The following SGMS1 variants were observed in gnomAD, a reference collection of about 807,000 sequenced individuals.
SGMS1 encodes the protein sphingomyelin synthase 1, also known as phosphatidylcholine:ceramide cholinephosphotransferase 1.
Under a neutral mutation model 46.2 loss-of-function variants are expected in SGMS1, and 13 were observed. The ratio of observed to expected loss-of-function variants is 0.28; its 90% CI spans 0.18 to 0.45. SGMS1 has a LOEUF of 0.45. SGMS1 is among the 20% of genes least tolerant of loss of function. The pLI is 1.00. For missense variants in SGMS1, 324 were observed against 519.9 expected, an observed-to-expected ratio of 0.62 and a Z score of 3.66; for synonymous variants, 203 against 187.8, an observed-to-expected ratio of 1.08 and a Z score of -0.66.
intron 3 of SGMS1, among the ~76,000 whole-genome samples, chr10:50,501,586 G>A (rs1185894881): frequency 1.3e-5 from 2 of 152,272 alleles, no homozygotes; most frequent in Middle Eastern, 3.4e-3. Flanking sequence ...AAAACAGCTT[G>A]TAAATAAACA....
At chr10:50,342,512 T>C (rs1444031546) in intron 7 of SGMS1, 2 of 152,244 alleles carry the variant, frequency 1.3e-5, no homozygotes, top group Admixed American at 1.3e-4. Flanking sequence ...AGAGTTGTTA[T>C]AAAACATACT....
chr10:50,552,972 G>A (rs1838160993), intron 2 of SGMS1, among the ~76,000 whole-genome samples: 1 of 152,180 alleles, frequency 6.6e-6, no homozygotes, highest in African/African-American at 2.4e-5. Flanking sequence ...TAGAGGCAAA[G>A]ATCAGATTCT....
intron 4 of SGMS1, among the ~76,000 whole-genome samples, chr10:50,462,507 T>C (rs1588840611): frequency 6.6e-6 from 1 of 152,324 alleles, no homozygotes; most frequent in East Asian, 1.9e-4. Context: ...TTTCGATGCT[T>C]ATGGGTCACT....
At chr10:50,336,489 A>G (rs555858133) in intron 7 of SGMS1, among the ~76,000 whole-genome samples, 1 of 152,286 alleles carries the variant, frequency 6.6e-6, no homozygotes, top group South Asian at 2.1e-4. Flanking sequence ...TCTACAGTCT[A>G]TGGGGAACTG....
At chr10:50,494,832 C>T (rs1307607205) in intron 3 of SGMS1, among the ~76,000 whole-genome samples, 3 of 151,766 alleles carry the variant, frequency 2.0e-5, no homozygotes, top group African/African-American at 7.3e-5. Context: ...GTCGGGAGAT[C>T]GAGACCATCC....
intron 2 of SGMS1, among the ~76,000 whole-genome samples, chr10:50,536,442 G>C (rs1233490099): frequency 1.3e-5 from 2 of 152,172 alleles, no homozygotes; most frequent in Admixed American, 1.3e-4. Flanking sequence ...GATTTTAAAT[G>C]ATTAGAACTA....
At chr10:50,597,367 C>T (rs1025757170) in intron 1 of SGMS1, among the ~76,000 whole-genome samples, 13 of 152,198 alleles carry the variant, frequency 8.5e-5, no homozygotes, top group African/African-American at 3.1e-4. Flanking sequence ...CTTTCATATT[C>T]TGCTGCTGGG....
intron 5 of SGMS1, among the ~76,000 whole-genome samples, chr10:50,446,689 A>T (rs966680771): frequency 6.6e-6 from 1 of 152,216 alleles, no homozygotes; most frequent in Admixed American, 6.5e-5. Flanking sequence ...TGAAGTTCTG[A>T]AAGAGGCAAA....
At chr10:50,616,845 C>T (rs941696763) in intron 1 of SGMS1, among the ~76,000 whole-genome samples, 4 of 152,116 alleles carry the variant, frequency 2.6e-5, no homozygotes, top group African/African-American at 9.7e-5. Flanking sequence ...ACCATGTTCA[C>T]GGACAGAATT....
At chr10:50,535,451 C>T (rs1266418601) in intron 2 of SGMS1, among the ~76,000 whole-genome samples, 5 of 151,788 alleles carry the variant, frequency 3.3e-5, no homozygotes, top group South Asian at 2.1e-4. Context: ...CTGCAACCTC[C>T]GCCTCCCGGG....
chr10:50,400,938 G>A (rs1848930634), intron 6 of SGMS1, among the ~76,000 whole-genome samples: 1 of 152,142 alleles, frequency 6.6e-6, no homozygotes, highest in Non-Finnish European at 1.5e-5. Flanking sequence ...CACTCAACCA[G>A]GCAACTGCAA....
At chr10:50,563,949 C>T (rs901953694) in intron 2 of SGMS1, among the ~76,000 whole-genome samples, 1 of 152,174 alleles carries the variant, frequency 6.6e-6, no homozygotes, top group Non-Finnish European at 1.5e-5. Context: ...GCTCCCAGGC[C>T]AGTCCTTACA....
At chr10:50,476,432 T>A (rs1014163952) in intron 3 of SGMS1, among the ~76,000 whole-genome samples, 7 of 151,608 alleles carry the variant, frequency 4.6e-5, no homozygotes, top group African/African-American at 1.7e-4. Context: ...CAGGCAGAGG[T>A]TAGAACAGTT....
At chr10:50,509,349 A>T (rs1010074936) in intron 3 of SGMS1, among the ~76,000 whole-genome samples, 5 of 152,176 alleles carry the variant, frequency 3.3e-5, no homozygotes, top group Non-Finnish European at 7.4e-5. Context: ...AACATTTGTG[A>T]ATTGTATTTT....
chr10:50,336,522 T>G (rs1847719931), intron 7 of SGMS1, among the ~76,000 whole-genome samples: 1 of 152,168 alleles, frequency 6.6e-6, no homozygotes, highest in African/African-American at 2.4e-5. Flanking sequence ...GCTATCAAAG[T>G]TGGCAGATCC....
At chr10:50,471,440 C>G (rs900758891) in intron 3 of SGMS1, among the ~76,000 whole-genome samples, 1 of 152,212 alleles carries the variant, frequency 6.6e-6, no homozygotes, top group African/African-American at 2.4e-5. Flanking sequence ...CATCAACCAA[C>G]ACAACCACTT....
chr10:50,595,168 G>A (rs562660831), intron 1 of SGMS1, among the ~76,000 whole-genome samples: 68 of 152,002 alleles, frequency 4.5e-4, no homozygotes, highest in African/African-American at 1.6e-3. Flanking sequence ...GCACTCTACT[G>A]CATACTGCAT....
chr10:50,624,528 G>A (rs561019707), upstream of SGMS1: 27 of 936,962 alleles, frequency 2.9e-5, no homozygotes, highest in South Asian at 5.9e-4. Flanking sequence ...CTGGGAGCGC[G>A]ACGGAGGCGC....
intron 6 of SGMS1, among the ~76,000 whole-genome samples, chr10:50,352,415 T>C (rs755207977): frequency 1.3e-5 from 2 of 152,240 alleles, no homozygotes; most frequent in Non-Finnish European, 2.9e-5. Flanking sequence ...GAATCCATTA[T>C]TGGGAGAATG....
Sources: allele counts gnomAD v4.1 joint callset (sites outside exome capture counted in the v4.1 genomes callset), GRCh38; gene constraint gnomAD v4.1.1; transcripts MANE v1.5; gene names NCBI Gene and HGNC (gene_info 2026-07-23, HGNC 2026-07-21).